LDB2: variants seen among roughly 807,000 people sequenced by gnomAD.
LDB2 encodes the protein LIM domain-binding protein 2.
Under a neutral mutation model 44.3 loss-of-function variants are expected in LDB2, and 12 were observed. That is an observed-to-expected ratio of 0.27 (90% CI 0.17 to 0.44). The LOEUF (loss-of-function observed/expected upper bound fraction) is 0.44, where lower values mean the gene tolerates loss of function less well. Among genes scored for constraint, LDB2 ranks in the 20% least tolerant of loss-of-function variants. The pLI is 1.00. For synonymous variants in LDB2, 164 were observed against 174.8 expected (o/e 0.94, Z 0.49); for missense variants, 344 against 473.5 (o/e 0.73, Z 2.54).
intron 1 of LDB2, among the ~76,000 whole-genome samples, chr4:16,847,595 A>ATGTTTGTT (rs77897455): frequency 0.17 from 24,599 of 141,672 alleles, 2,131 homozygotes; most frequent in South Asian, 0.21. Flanking sequence ...TCTTTAACAC[A>ATGTTTGTT]TGTTTGTTTG....
rs80193905 is a variant in LDB2 at position 16,765,089 on chromosome 4, A to T, written c.133-5829T>A. Among the ~76,000 whole-genome samples the T allele has an allele frequency of 9.4e-4, 143 of 152,348 alleles. 1 individual carries two copies. The highest frequency in any genetic ancestry group is 3.3e-3 in the African/African-American group (136 of 41,576). Reference sequence around the variant, plus strand: ...AGTAAATGGTATAGCACACGCTCTTAAAACACAACCACAAGTCTGACATCT... The same window carrying T: ...AGTAAATGGTATAGCACACGCTCTTTAAACACAACCACAAGTCTGACATCT... On this transcript the variant is annotated intron_variant, in intron 1 of 7. Coordinates refer to ENST00000304523, the MANE Select transcript of LDB2 (RefSeq NM_001290.5).
intron 2 of LDB2, among the ~76,000 whole-genome samples, chr4:16,682,168 A>G (rs1748106341): frequency 1.3e-5 from 2 of 152,226 alleles, no homozygotes; most frequent in African/African-American, 4.8e-5. Flanking sequence ...AGTAAAAAGC[A>G]CATGTTCTCA....
intron 2 of LDB2, among the ~76,000 whole-genome samples, chr4:16,701,288 A>T (rs1338310507): frequency 6.6e-6 from 1 of 152,224 alleles, no homozygotes; most frequent in Non-Finnish European, 1.5e-5. Context: ...TCATGTTCTT[A>T]GTCTACTGAC....
chr4:16,770,116 G>A (rs138148349), intron 1 of LDB2, among the ~76,000 whole-genome samples: 4 of 152,212 alleles, frequency 2.6e-5, no homozygotes, highest in Non-Finnish European at 5.9e-5. Flanking sequence ...GCCAACAATT[G>A]AGCTTTTTTT....
At chr4:16,862,349 C>A (rs1712916199) in intron 1 of LDB2, among the ~76,000 whole-genome samples, 1 of 151,752 alleles carries the variant, frequency 6.6e-6, no homozygotes, top group African/African-American at 2.4e-5. Context: ...ATCAAAGAGC[C>A]CTGGCCGGGC....
At chr4:16,606,147 A>T (rs1723874806) in intron 2 of LDB2, among the ~76,000 whole-genome samples, 1 of 152,146 alleles carries the variant, frequency 6.6e-6, no homozygotes, top group Admixed American at 6.5e-5. Flanking sequence ...ATTTACACAA[A>T]GTTATATTAA....
At chr4:16,889,420 T>C (rs942130744) in intron 1 of LDB2, 1 of 152,172 alleles carries the variant, frequency 6.6e-6, no homozygotes, top group Non-Finnish European at 1.5e-5. Context: ...CCCAACAGAT[T>C]TGCACTATCC....
intron 1 of LDB2, among the ~76,000 whole-genome samples, chr4:16,833,833 AC>A (rs1268318929): frequency 6.6e-6 from 1 of 151,244 alleles, no homozygotes; most frequent in African/African-American, 2.4e-5. Flanking sequence ...GAGCCACCAC[AC>A]CCCGCCCTCC....
At position 16,898,583 on chromosome 4, in the gene LDB2, A is replaced by T; in HGVS notation, c.-98T>A. 8.7e-7 allele frequency: 1 copy of T among 1,155,776 alleles called. No homozygotes were observed. Among genetic ancestry groups the T allele is most frequent in the Non-Finnish European group, 1.2e-6 (1 of 813,142 alleles). The allele number at this position is 1,155,776 out of a possible 1,614,324, so 71.6% of individuals were successfully genotyped here. On this transcript the variant is annotated 5_prime_UTR_variant, in exon 1 of 8. Coordinates refer to ENST00000304523, the MANE Select transcript of LDB2 (RefSeq NM_001290.5). ...TTCCCAGTACAAAGTAGACGCACGC[A>T]CACACGCTCACACACACACAGAGGC...
intron 1 of LDB2, among the ~76,000 whole-genome samples, chr4:16,860,943 G>C (rs1339144656): frequency 1.3e-5 from 2 of 152,010 alleles, no homozygotes; most frequent in African/African-American, 4.8e-5. Context: ...AAAATAATTT[G>C]CCAAAAAAGC....
At chr4:16,691,077 T>C (rs1750674645) in intron 2 of LDB2, among the ~76,000 whole-genome samples, 1 of 152,148 alleles carries the variant, frequency 6.6e-6, no homozygotes. Context: ...CAAGGTGTGC[T>C]TCATTATCCA....
At chr4:16,737,996 A>T (rs1762246515) in intron 2 of LDB2, among the ~76,000 whole-genome samples, 1 of 152,228 alleles carries the variant, frequency 6.6e-6, no homozygotes, top group African/African-American at 2.4e-5. Context: ...TTGAGTTAAT[A>T]TAATACCTGT....
At chr4:16,866,498 A>T (rs1355873323) in intron 1 of LDB2, among the ~76,000 whole-genome samples, 2 of 152,236 alleles carry the variant, frequency 1.3e-5, no homozygotes, top group Admixed American at 1.3e-4. Flanking sequence ...GTGTGGTCTA[A>T]TACCCTCAAT....
intron 1 of LDB2, among the ~76,000 whole-genome samples, chr4:16,845,314 T>A (rs1389459258): frequency 6.6e-6 from 1 of 152,168 alleles, no homozygotes; most frequent in Non-Finnish European, 1.5e-5. Context: ...GTCATCGAGA[T>A]CTCCTCTCAG....
intron 1 of LDB2, among the ~76,000 whole-genome samples, chr4:16,890,901 G>A (rs1472666136): frequency 6.6e-6 from 1 of 152,166 alleles, no homozygotes; most frequent in East Asian, 1.9e-4. Context: ...AGACAGACAG[G>A]ATGTGGGGAG....
chr4:16,791,048 C>G (rs1219062146), intron 1 of LDB2, among the ~76,000 whole-genome samples: 1 of 152,178 alleles, frequency 6.6e-6, no homozygotes, highest in East Asian at 1.9e-4. Context: ...ACTTACATAA[C>G]TACTTGTCAT....
chr4:16,533,886 T>C lies in LDB2; in HGVS notation c.616-21782A>G, dbSNP rs560547860. ...ATGCCTACCGAAGTAAAAATCTTCA[T>C]GCCAGTGAGGCTTTTAAGTATTGAT... On this transcript the variant is annotated intron_variant, in intron 5 of 7. Coordinates refer to ENST00000304523, the MANE Select transcript of LDB2 (RefSeq NM_001290.5). The surrounding 1 kb of genome is among the most constrained non-coding windows in gnomAD (Gnocchi z 4.1). Among the ~76,000 whole-genome samples the C allele has an allele frequency of 6.6e-6, 1 of 152,372 alleles. No homozygotes were observed. Among genetic ancestry groups the C allele is most frequent in the East Asian group, 1.9e-4 (1 of 5,192 alleles).
At chr4:16,585,820 T>C (rs763981679) in intron 5 of LDB2, 102 bp downstream of exon 5, 28 of 788,560 alleles carry the variant, frequency 3.6e-5, no homozygotes, top group Non-Finnish European at 5.5e-5. Flanking sequence ...GACACTGCTA[T>C]ATCACCAGTA....
intron 2 of LDB2, among the ~76,000 whole-genome samples, chr4:16,692,530 AT>A (rs1751036390): frequency 6.6e-6 from 1 of 151,872 alleles, no homozygotes; most frequent in African/African-American, 2.4e-5. Flanking sequence ...TACAAGTTTA[AT>A]TTTTTTCTTT....
Sources: allele counts gnomAD v4.1 joint callset (sites outside exome capture counted in the v4.1 genomes callset), GRCh38; gene constraint gnomAD v4.1.1; non-coding constraint Gnocchi (gnomAD v3.1); transcripts MANE v1.5; gene names NCBI Gene and HGNC (gene_info 2026-07-23, HGNC 2026-07-21).